The following ENPP2 variants were observed in gnomAD, a reference collection of about 807,000 sequenced individuals.
ENPP2 encodes the protein autotaxin.
ENPP2 carries 51 observed loss-of-function variants against 120.2 expected under a neutral mutation model. That is an observed-to-expected ratio of 0.42 (90% CI 0.34 to 0.54). The LOEUF is 0.54. Ranked by LOEUF, ENPP2 falls within the 20% of genes least tolerant of loss-of-function variation. ENPP2 has a pLI of 0.04. For synonymous variants in ENPP2, 365 were observed against 366.4 expected (o/e 1.00, Z 0.04); for missense variants, 920 against 1,066.5 (o/e 0.86, Z 1.91).
In ENPP2 at chr8:119,570,700, A is replaced by G. The variant is rs771716771; in HGVS notation, c.1917+5T>C. The stretch of plus-strand genomic sequence containing the variant: ...AAAAATATAAAATCCAATTTTCTCA[A>G]TGACCTGTTTGGAAACAGTATATGA... On this transcript the variant is annotated splice_donor_5th_base_variant and intron_variant, in intron 20 of 24. Transcript: ENST00000075322. 5 of 1,511,424 alleles carry G rather than the reference A, an allele frequency of 3.3e-6. No homozygotes were observed. In the South Asian group the frequency reaches 6.7e-5, roughly 20 times the overall value. The allele number at this position is 1,511,424 out of a possible 1,614,324, so 93.6% of individuals were successfully genotyped here. A position where few individuals can be genotyped will look rare whatever the true frequency, so the allele number is the denominator to read the frequency against.
intron 10 of ENPP2, among the ~76,000 whole-genome samples, chr8:119,601,166 G>A (rs1003812842): frequency 3.3e-5 from 5 of 152,148 alleles, no homozygotes; most frequent in African/African-American, 7.2e-5. Context: ...AACTCCCTTC[G>A]GCTCTGCTGT....
At chr8:119,594,673 C>T (rs1813764068) in intron 11 of ENPP2, among the ~76,000 whole-genome samples, 1 of 152,194 alleles carries the variant, frequency 6.6e-6, no homozygotes, top group Non-Finnish European at 1.5e-5. Context: ...CTCTCCATCC[C>T]CCTTTCATCT....
At chr8:119,649,884 A>T (rs1817579220) in intron 1 of ENPP2, among the ~76,000 whole-genome samples, 1 of 152,230 alleles carries the variant, frequency 6.6e-6, no homozygotes, top group African/African-American at 2.4e-5. Flanking sequence ...GCTAAAATTT[A>T]AAAGATAGTT....
rs1175981248 is a variant in ENPP2 at position 119,569,245 on chromosome 8, G to A, written c.2043C>T (p.Leu681=). ...KNDKQMSYGF[L]FPPYLSSSPE... Reference sequence around the variant, plus strand: ...ATATTCTTAACTTACAAGGAGGAAAGAGGAATCCGTAGGACATCTGCTTAT... The same window carrying A: ...ATATTCTTAACTTACAAGGAGGAAAAAGGAATCCGTAGGACATCTGCTTAT... Residue 681 remains leucine (L), a synonymous_variant, in exon 21 of 25, where the codon CTC becomes CTT. Transcript: ENST00000075322. 3.1e-6 allele frequency: 5 copies of A among 1,614,036 alleles called. No homozygotes were observed. In the Admixed American group the frequency reaches 6.7e-5, roughly 22 times the overall value.
At position 119,557,527 on chromosome 8, in the gene ENPP2, C is replaced by T; in HGVS notation, c.2586G>A (p.Glu862=). 1.2e-6 allele frequency: 2 copies of T among 1,611,956 alleles called. No individual in the cohort carries two copies. The highest frequency in any genetic ancestry group is 1.7e-6 in the Non-Finnish European group (2 of 1,179,486). The part of the protein sequence containing the change: ...LKTYLHTYES[E]I Reference sequence around the variant, plus strand: ...ACTGCAGATGCTCAGAAAGTTAAATCTCGCTCTCATATGTATGCAGGTATG... The same window carrying T: ...ACTGCAGATGCTCAGAAAGTTAAATTTCGCTCTCATATGTATGCAGGTATG... Residue 862 remains glutamate, a synonymous_variant, in exon 25 of 25, where the codon GAG becomes GAA. Coordinates refer to ENST00000075322, the MANE Select transcript of ENPP2 (RefSeq NM_001040092.3).
intron 8 of ENPP2, among the ~76,000 whole-genome samples, chr8:119,614,675 T>A (rs552312223): frequency 4.1e-4 from 63 of 152,304 alleles, no homozygotes; most frequent in African/African-American, 1.4e-3. Context: ...TTTGATAAAA[T>A]TACTATTTAT....
At position 119,562,953 on chromosome 8, in the gene ENPP2, A is replaced by G. The variant is rs755315199; in HGVS notation, c.2325T>C (p.Cys775=). ...PTHYYSIITS[C]LDFTQPADKC... ...TGTCGGCAGGCTGAGTGAAATCCAGACAGCTGGTGATGATGCTGTAGTAGT... is the reference window on the plus strand; with the variant it reads ...TGTCGGCAGGCTGAGTGAAATCCAGGCAGCTGGTGATGATGCTGTAGTAGT... The change falls in exon 24 of 25, where the codon TGT becomes TGC. Residue 775 remains cysteine (C), a synonymous_variant. Transcript: ENST00000075322. 2 of 1,613,986 alleles carry G rather than the reference A, an allele frequency of 1.2e-6. No individual in the cohort carries two copies. Among genetic ancestry groups the G allele is most frequent in the Admixed American group, 3.3e-5 (2 of 60,002 alleles).
At chr8:119,567,253 T>C (rs1022746133) in intron 22 of ENPP2, among the ~76,000 whole-genome samples, 3 of 152,138 alleles carry the variant, frequency 2.0e-5, no homozygotes, top group Non-Finnish European at 4.4e-5. Flanking sequence ...CATGGATAGA[T>C]AAAAGGATGG....
Position 119,582,466 on chromosome 8 carries a change from C to T in ENPP2, c.1680G>A (p.Gln560=). Residue 560 remains glutamine, a synonymous_variant, in exon 18 of 25, where the codon CAG becomes CAA. Transcript: ENST00000075322. The part of the protein sequence containing the change: ...RPNYPGIMYL[Q]SDFDLGCTCD... Reference sequence around the variant, plus strand: ...AAGTGCAGCCCAGGTCAAAATCAGACTGAAGGTACATAATCCCTGGATAAT... The same window carrying T: ...AAGTGCAGCCCAGGTCAAAATCAGATTGAAGGTACATAATCCCTGGATAAT... The T allele has an allele frequency of 6.2e-7, 1 of 1,614,164 alleles. No individual in the cohort carries two copies. Among genetic ancestry groups the T allele is most frequent in the Non-Finnish European group, 8.5e-7 (1 of 1,179,998 alleles).
chr8:119,561,368 T>C (rs1003827087), intron 24 of ENPP2, among the ~76,000 whole-genome samples: 3 of 152,206 alleles, frequency 2.0e-5, no homozygotes, highest in African/African-American at 7.2e-5. Flanking sequence ...TCTAACACAC[T>C]CTTGTTTCTC....
chr8:119,594,671 C>A (rs1813763669), intron 11 of ENPP2, among the ~76,000 whole-genome samples: 1 of 152,196 alleles, frequency 6.6e-6, no homozygotes, highest in Non-Finnish European at 1.5e-5. Context: ...GGCTCTCCAT[C>A]CCCCTTTCAT....
intron 22 of ENPP2, 109 bp downstream of exon 22, chr8:119,568,066 A>G (rs1189645239): frequency 1.1e-5 from 8 of 704,728 alleles, no homozygotes; most frequent in Non-Finnish European, 2.0e-5. Flanking sequence ...AAGGTTAAAC[A>G]CATGAAAAGT....
chr8:119,646,552 C>T (rs1177321363), intron 1 of ENPP2, among the ~76,000 whole-genome samples: 1 of 152,182 alleles, frequency 6.6e-6, no homozygotes, highest in African/African-American at 2.4e-5. Flanking sequence ...CAAAACTAAA[C>T]TCCCTAAATT....
At chr8:119,627,861 TAA>T (rs1408153465) in intron 2 of ENPP2, among the ~76,000 whole-genome samples, 18 of 80,266 alleles carry the variant, frequency 2.2e-4, no homozygotes, top group Middle Eastern at 6.3e-3. Context: ...AACTCCGTCT[TAA>T]AAATATATAT....
chr8:119,576,175 G>T (rs1240481773), intron 19 of ENPP2, among the ~76,000 whole-genome samples: 1 of 152,168 alleles, frequency 6.6e-6, no homozygotes, highest in Non-Finnish European at 1.5e-5. Flanking sequence ...TTTCACTCTT[G>T]TTGCCCAGGC....
intron 8 of ENPP2, among the ~76,000 whole-genome samples, chr8:119,611,122 T>C (rs1014437230): frequency 7.9e-5 from 12 of 152,154 alleles, no homozygotes; most frequent in Non-Finnish European, 1.3e-4. Context: ...AAAGGCTTCC[T>C]CCACAGGAAC....
At chr8:119,610,767 G>C (rs549437067) in intron 8 of ENPP2, among the ~76,000 whole-genome samples, 1 of 151,988 alleles carries the variant, frequency 6.6e-6, no homozygotes, top group African/African-American at 2.4e-5. Flanking sequence ...GCCAGGAGTC[G>C]TGATAGGCAC....
intron 9 of ENPP2, among the ~76,000 whole-genome samples, chr8:119,603,763 A>G (rs1015892524): frequency 5.9e-5 from 9 of 152,336 alleles, no homozygotes; most frequent in African/African-American, 2.2e-4. Context: ...TGTTAAGGGC[A>G]TATTGGGTTT....
chr8:119,673,315 ACGCGGCCTGGGCTGCAGCCC>A (rs1211500511), exon 1 of ENPP2: 35 of 1,534,060 alleles, frequency 2.3e-5, no homozygotes, highest in Non-Finnish European at 3.0e-5. Context: ...GGCGCTGCGG[ACGCGGCCTGGGCTGCAGCCC>A]CGCGACCTGG....
Sources: gnomAD v4.1 joint callset for allele counts (sites outside exome capture counted in the v4.1 genomes callset) on GRCh38, gnomAD v4.1.1 for gene constraint, MANE v1.5 for transcripts, NCBI Gene and HGNC (gene_info 2026-07-23, HGNC 2026-07-21) for gene names.